Variants in GPC5 observed in about 807,000 individuals in gnomAD.
GPC5 encodes the protein glypican 5, also known as glypican-5.
In GPC5, 47 loss-of-function variants were observed where a neutral mutation model predicts 53.9. The observed-to-expected ratio is 0.87, with a 90% CI of 0.69 to 1.11. GPC5 has a LOEUF of 1.11. Among genes scored for constraint, GPC5 ranks in the 50% most tolerant of loss-of-function variants. The pLI is 0.00. For synonymous variants in GPC5, 286 were observed against 263.3 expected (o/e 1.09, Z -0.84); for missense variants, 748 against 713.1 (o/e 1.05, Z -0.56).
chr13:91,648,882 A>G (rs571694143), intron 2 of GPC5, among the ~76,000 whole-genome samples: 19 of 152,176 alleles, frequency 1.2e-4, no homozygotes, highest in Non-Finnish European at 2.5e-4. Context: ...GTGCGGTATC[A>G]AGAGTGTGGA....
chr13:92,286,663 C>T (rs2042957071), intron 7 of GPC5, among the ~76,000 whole-genome samples: 1 of 140,232 alleles, frequency 7.1e-6, no homozygotes, highest in African/African-American at 2.6e-5. Flanking sequence ...CATGTTCTCA[C>T]TTATAGGTGG....
chr13:91,781,397 T>G (rs2037797122), intron 5 of GPC5, among the ~76,000 whole-genome samples: 2 of 152,264 alleles, frequency 1.3e-5, no homozygotes, highest in African/African-American at 2.4e-5. Flanking sequence ...AAAGATGTAC[T>G]GATTTACTTC....
intron 2 of GPC5, among the ~76,000 whole-genome samples, chr13:91,674,450 TACAC>T (rs150984874): frequency 6.0e-5 from 9 of 149,034 alleles, no homozygotes; most frequent in Admixed American, 2.7e-4. Flanking sequence ...TATATACACA[TACAC>T]ACACACACGC....
Position 92,604,834 on chromosome 13 carries a change from C to T in GPC5, c.1562-261448C>T, listed in dbSNP as rs76626245. ...TCAACATTTCACATATAGATTTTTC[C>T]GGACAATACAAATGGCTGTGTTTTC... On this transcript the variant is annotated intron_variant, in intron 7 of 7. Coordinates refer to ENST00000377067, the MANE Select transcript of GPC5 (RefSeq NM_004466.6). Among the ~76,000 whole-genome samples, 1,004 of 152,164 alleles carry T rather than the reference C, an allele frequency of 6.6e-3. 12 individuals carry two copies. Among genetic ancestry groups the T allele is most frequent in the African/African-American group, 0.022 (914 of 41,502 alleles).
chr13:92,639,097 C>T (rs1193664165), intron 7 of GPC5, among the ~76,000 whole-genome samples: 1 of 152,132 alleles, frequency 6.6e-6, no homozygotes, highest in Non-Finnish European at 1.5e-5. Context: ...TTAGTAAGTT[C>T]AGTAAACATT....
At chr13:92,213,613 T>C (rs965483906) in intron 7 of GPC5, among the ~76,000 whole-genome samples, 2 of 152,162 alleles carry the variant, frequency 1.3e-5, no homozygotes, top group African/African-American at 2.4e-5. Flanking sequence ...GAGGGTGTTA[T>C]AACTACTTCC....
intron 2 of GPC5, among the ~76,000 whole-genome samples, chr13:91,653,455 A>G (rs756814819): frequency 1.3e-5 from 2 of 152,190 alleles, no homozygotes; most frequent in South Asian, 2.1e-4. Flanking sequence ...AAGACCTGCT[A>G]TATGATAGCA....
chr13:92,745,562 C>G (rs1400876544), intron 7 of GPC5, among the ~76,000 whole-genome samples: 1 of 152,016 alleles, frequency 6.6e-6, no homozygotes, highest in Non-Finnish European at 1.5e-5. Flanking sequence ...GATGGCATTG[C>G]CTTTCTGAAC....
At chr13:91,483,667 AT>A (rs1292500204) in intron 2 of GPC5, among the ~76,000 whole-genome samples, 1 of 152,202 alleles carries the variant, frequency 6.6e-6, no homozygotes, top group Non-Finnish European at 1.5e-5. Flanking sequence ...ATTTAAAAAA[AT>A]ATTATTCTTC....
chr13:92,347,214 A>G (rs1344352118), intron 7 of GPC5, among the ~76,000 whole-genome samples: 1 of 152,186 alleles, frequency 6.6e-6, no homozygotes, highest in Non-Finnish European at 1.5e-5. Context: ...TCACTCAAAT[A>G]CAACTGAAAG....
At chr13:92,517,455 C>G (rs971907411) in intron 7 of GPC5, among the ~76,000 whole-genome samples, 2 of 152,198 alleles carry the variant, frequency 1.3e-5, no homozygotes, top group Non-Finnish European at 2.9e-5. Flanking sequence ...CAGACTGACA[C>G]CTCACACGGC....
At chr13:92,385,657 A>G (rs1211656042) in intron 7 of GPC5, among the ~76,000 whole-genome samples, 1 of 142,114 alleles carries the variant, frequency 7.0e-6, no homozygotes, top group Non-Finnish European at 1.5e-5. Flanking sequence ...ATACACATAT[A>G]TATATACATA....
chr13:91,835,945 C>A (rs1227749728), intron 5 of GPC5, among the ~76,000 whole-genome samples: 1 of 151,906 alleles, frequency 6.6e-6, no homozygotes, highest in Non-Finnish European at 1.5e-5. Flanking sequence ...CATTATGAAT[C>A]TTTTAGATCT....
intron 7 of GPC5, among the ~76,000 whole-genome samples, chr13:92,368,548 G>A (rs1009597574): frequency 6.8e-6 from 1 of 147,896 alleles, no homozygotes; most frequent in Non-Finnish European, 1.5e-5. Flanking sequence ...GGAGGCTGAG[G>A]CAGGAGAATC....
At chr13:91,550,248 A>T (rs1383060095) in intron 2 of GPC5, among the ~76,000 whole-genome samples, 1 of 152,080 alleles carries the variant, frequency 6.6e-6, no homozygotes, top group Non-Finnish European at 1.5e-5. Context: ...GAGTGGGGTG[A>T]AGGATTAATA....
chr13:92,626,188 A>G (rs1335513038), intron 7 of GPC5, among the ~76,000 whole-genome samples: 1 of 152,208 alleles, frequency 6.6e-6, no homozygotes, highest in Non-Finnish European at 1.5e-5. Context: ...ATTTAAAGAG[A>G]ACAAATGCAG....
chr13:92,425,055 G>T (rs2139367206), intron 7 of GPC5, among the ~76,000 whole-genome samples: 1 of 151,930 alleles, frequency 6.6e-6, no homozygotes, highest in East Asian at 1.9e-4. Context: ...TTCTATTTTT[G>T]TTTGTTGTTA....
chr13:91,904,140 C>CTTT (rs57293387), intron 5 of GPC5, among the ~76,000 whole-genome samples: 6,491 of 94,482 alleles, frequency 0.069, 299 homozygotes, highest in African/African-American at 0.088. Flanking sequence ...TCTTTTCTTT[C>CTTT]TTTTTTTTTT....
chr13:92,307,969 CAGATGG>C (rs2043121860), intron 7 of GPC5, among the ~76,000 whole-genome samples: 1 of 152,040 alleles, frequency 6.6e-6, no homozygotes, highest in Non-Finnish European at 1.5e-5. Context: ...TTTTTATTGT[CAGATGG>C]AGAGTGACAG....
Sources: allele counts gnomAD v4.1 joint callset (sites outside exome capture counted in the v4.1 genomes callset), GRCh38; gene constraint gnomAD v4.1.1; transcripts MANE v1.5; gene names NCBI Gene and HGNC (gene_info 2026-07-23, HGNC 2026-07-21).